The following LYPLAL1 variants were observed in gnomAD, a reference collection of about 807,000 sequenced individuals.
LYPLAL1 encodes the protein lysophospholipase-like protein 1.
Under a neutral mutation model 19.7 loss-of-function variants are expected in LYPLAL1, and 23 were observed. The ratio of observed to expected loss-of-function variants is 1.17; its 90% confidence interval spans 0.84 to 1.65. The LOEUF (loss-of-function observed/expected upper bound fraction) is 1.65. LYPLAL1 is among the 40% of genes most tolerant of loss of function. The pLI is 0.00. For missense variants in LYPLAL1, 355 were observed against 279.4 expected, an observed-to-expected ratio of 1.27 and a Z score of -1.93; for synonymous variants, 119 against 96.3, an observed-to-expected ratio of 1.24 and a Z score of -1.38.
the LYPLAL1 span, among the ~76,000 whole-genome samples, chr1:219,241,134 C>CTCTATATATATATATATA: frequency 4.5e-4 from 20 of 44,360 alleles, no homozygotes; most frequent in Non-Finnish European, 4.7e-4. Flanking sequence ...CTCTCTCTCT[C>CTCTATATATATATATATA]TATATATATA....
the LYPLAL1 span, among the ~76,000 whole-genome samples, chr1:219,427,948 T>A: frequency 3.9e-5 from 6 of 152,174 alleles, no homozygotes; most frequent in Admixed American, 1.3e-4. Flanking sequence ...CCATGATGGG[T>A]CTGCCTGGGA....
the LYPLAL1 span, among the ~76,000 whole-genome samples, chr1:219,360,755 C>G: frequency 6.6e-6 from 1 of 152,218 alleles, no homozygotes; most frequent in Admixed American, 6.5e-5. Flanking sequence ...TGGACCTCTT[C>G]CCATGAAGGC....
the LYPLAL1 span, among the ~76,000 whole-genome samples, chr1:219,388,331 C>T: frequency 8.8e-3 from 1,334 of 152,266 alleles, 23 homozygotes; most frequent in African/African-American, 0.03. Context: ...CTCTCTCCCT[C>T]TCTCTCATTT....
the LYPLAL1 span, among the ~76,000 whole-genome samples, chr1:219,299,933 A>G: frequency 6.6e-6 from 1 of 152,172 alleles, no homozygotes. Flanking sequence ...GAAGCAGCCA[A>G]TGTGGGACTC....
the LYPLAL1 span, among the ~76,000 whole-genome samples, chr1:219,392,092 T>C: frequency 6.6e-6 from 1 of 152,062 alleles, no homozygotes; most frequent in Non-Finnish European, 1.5e-5. Flanking sequence ...AAAAAGCATC[T>C]CAGACTCCCC....
the LYPLAL1 span, among the ~76,000 whole-genome samples, chr1:219,365,017 C>T: frequency 6.6e-6 from 1 of 152,112 alleles, no homozygotes; most frequent in Admixed American, 6.6e-5. Flanking sequence ...ATAGTTACAT[C>T]AGATTTTTTT....
the LYPLAL1 span, among the ~76,000 whole-genome samples, chr1:219,326,899 G>C: frequency 3.9e-5 from 6 of 152,292 alleles, no homozygotes; most frequent in African/African-American, 1.4e-4. Flanking sequence ...AAAGCCCAAA[G>C]AGAAAAATGC....
At chr1:219,314,538 G>A in the LYPLAL1 span, among the ~76,000 whole-genome samples, 5 of 151,988 alleles carry the variant, frequency 3.3e-5, no homozygotes, top group Non-Finnish European at 7.4e-5. Context: ...TCCGCCTCCC[G>A]GGTTCAGGCT....
the LYPLAL1 span, among the ~76,000 whole-genome samples, chr1:219,390,787 C>CT: frequency 1.3e-5 from 2 of 151,998 alleles, no homozygotes; most frequent in Non-Finnish European, 2.9e-5. Flanking sequence ...AATTTGTTAC[C>CT]TTTTTATCTT....
chr1:219,251,369 A>G, the LYPLAL1 span, among the ~76,000 whole-genome samples: 1 of 151,004 alleles, frequency 6.6e-6, no homozygotes, highest in African/African-American at 2.4e-5. Flanking sequence ...GCCTGTTCCT[A>G]TGTATTGCCT....
At chr1:219,358,900 A>G in the LYPLAL1 span, among the ~76,000 whole-genome samples, 5 of 152,080 alleles carry the variant, frequency 3.3e-5, no homozygotes, top group African/African-American at 1.2e-4. Context: ...GACAGAGGTT[A>G]TCACTTACTG....
At chr1:219,348,364 T>C in the LYPLAL1 span, among the ~76,000 whole-genome samples, 1 of 152,106 alleles carries the variant, frequency 6.6e-6, no homozygotes, top group Non-Finnish European at 1.5e-5. Flanking sequence ...AGCCAAGGCT[T>C]GGTTGGGGTC....
At chr1:219,231,057 C>T in the LYPLAL1 span, among the ~76,000 whole-genome samples, 4 of 152,288 alleles carry the variant, frequency 2.6e-5, no homozygotes, top group African/African-American at 9.6e-5. Flanking sequence ...TTAACAATGA[C>T]AGCTAACTCA....
At chr1:219,367,284 G>C in the LYPLAL1 span, among the ~76,000 whole-genome samples, 1 of 152,064 alleles carries the variant, frequency 6.6e-6, no homozygotes, top group Non-Finnish European at 1.5e-5. Flanking sequence ...AAAAAACATG[G>C]CATTCCTACG....
chr1:219,419,580 C>CAG, the LYPLAL1 span, among the ~76,000 whole-genome samples: 5 of 120,226 alleles, frequency 4.2e-5, no homozygotes, highest in African/African-American at 1.3e-4. Context: ...CACACACACA[C>CAG]ACACACACAC....
At chr1:219,299,140 C>CTTTTTTTTTTTTTTTT in the LYPLAL1 span, among the ~76,000 whole-genome samples, 3 of 129,494 alleles carry the variant, frequency 2.3e-5, no homozygotes, top group Non-Finnish European at 3.2e-5. Flanking sequence ...CCTCCCCCAG[C>CTTTTTTTTTTTTTTTT]TTTTTTTTTT....
the LYPLAL1 span, among the ~76,000 whole-genome samples, chr1:219,245,214 TTCCTTCCTTC>T: frequency 2.8e-5 from 4 of 143,230 alleles, no homozygotes; most frequent in Non-Finnish European, 4.7e-5. Flanking sequence ...CCTTCCTTCC[TTCCTTCCTTC>T]CTTCCTTCCT....
chr1:219,261,017 A>G, the LYPLAL1 span, among the ~76,000 whole-genome samples: 9 of 152,146 alleles, frequency 5.9e-5, no homozygotes, highest in Non-Finnish European at 1.0e-4. Flanking sequence ...AAAATGACAT[A>G]TAAACCATAT....
At chr1:219,312,592 C>T in the LYPLAL1 span, among the ~76,000 whole-genome samples, 2 of 152,240 alleles carry the variant, frequency 1.3e-5, no homozygotes, top group South Asian at 2.1e-4. Flanking sequence ...CACAGTTCAT[C>T]GGCACAGCTT....
Sources: allele counts gnomAD v4.1 joint callset (sites outside exome capture counted in the v4.1 genomes callset), GRCh38; gene constraint gnomAD v4.1.1; transcripts MANE v1.5; gene names NCBI Gene and HGNC (gene_info 2026-07-23, HGNC 2026-07-21).